SCHIP1: variants seen among roughly 807,000 people sequenced by gnomAD.
SCHIP1 encodes the protein schwannomin-interacting protein 1.
SCHIP1 carries 8 observed loss-of-function variants against 29.7 expected under a neutral mutation model. The observed-to-expected ratio is 0.27, with a 90% CI of 0.16 to 0.49. The LOEUF is 0.49. Ranked by LOEUF, SCHIP1 falls within the 20% of genes least tolerant of loss-of-function variation. The pLI, the probability that SCHIP1 is intolerant of heterozygous loss-of-function variation, is 0.99. For missense variants in SCHIP1, 193 were observed against 294.6 expected (o/e 0.66, Z 2.52); for synonymous variants, 76 against 94.9 (o/e 0.80, Z 1.16).
the SCHIP1 span, among the ~76,000 whole-genome samples, chr3:159,570,464 G>A: frequency 5.3e-5 from 8 of 152,146 alleles, no homozygotes; most frequent in African/African-American, 1.9e-4. Flanking sequence ...TAGATGTGTG[G>A]TGTTATTTCT....
chr3:159,674,596 A>C, the SCHIP1 span, among the ~76,000 whole-genome samples: 1 of 129,838 alleles, frequency 7.7e-6, no homozygotes, highest in Non-Finnish European at 1.6e-5. Flanking sequence ...TAGGGTCAGG[A>C]TTAAAAAAAA....
the SCHIP1 span, chr3:159,399,093 C>T: frequency 1.7e-5 from 4 of 235,816 alleles, no homozygotes; most frequent in East Asian, 3.6e-4. Flanking sequence ...ACCAGGCACA[C>T]TCTGGATTGG....
At chr3:159,310,660 C>A in the SCHIP1 span, among the ~76,000 whole-genome samples, 4 of 152,092 alleles carry the variant, frequency 2.6e-5, no homozygotes, top group African/African-American at 9.7e-5. Flanking sequence ...GAATGGGGTA[C>A]CAGCTCTACT....
At chr3:159,816,363 C>T in the SCHIP1 span, among the ~76,000 whole-genome samples, 1 of 152,160 alleles carries the variant, frequency 6.6e-6, no homozygotes, top group Non-Finnish European at 1.5e-5. Context: ...CCTCAAACTC[C>T]TGGACTCAAG....
At chr3:159,726,968 G>T in the SCHIP1 span, among the ~76,000 whole-genome samples, 2 of 152,102 alleles carry the variant, frequency 1.3e-5, no homozygotes, top group African/African-American at 4.8e-5. Context: ...GGCAATTGGC[G>T]ATATGCTGGA....
chr3:159,559,592 T>A, the SCHIP1 span, among the ~76,000 whole-genome samples: 3 of 152,326 alleles, frequency 2.0e-5, no homozygotes, highest in South Asian at 6.2e-4. Flanking sequence ...TAAGTGTATA[T>A]CTGCTAAGTT....
chr3:159,377,548 G>A, the SCHIP1 span, among the ~76,000 whole-genome samples: 128,375 of 152,196 alleles, frequency 0.84, 54,787 homozygotes, highest in African/African-American at 0.96. Flanking sequence ...GGTTTCAGTC[G>A]TCTACTTTTG....
At chr3:159,674,288 T>C in the SCHIP1 span, among the ~76,000 whole-genome samples, 15 of 152,122 alleles carry the variant, frequency 9.9e-5, no homozygotes, top group South Asian at 2.1e-4. Flanking sequence ...CAACAAACTG[T>C]GGCTAGAAGG....
chr3:159,273,699 T>C, the SCHIP1 span: 2 of 1,498,444 alleles, frequency 1.3e-6, no homozygotes, highest in East Asian at 2.5e-5. Flanking sequence ...TAGTGTGTGT[T>C]ATAGAAATTT....
At chr3:159,478,887 C>T in the SCHIP1 span, among the ~76,000 whole-genome samples, 18 of 152,152 alleles carry the variant, frequency 1.2e-4, no homozygotes, top group Non-Finnish European at 1.5e-4. Flanking sequence ...AGAAATGCTA[C>T]TGAGTTTTTG....
At chr3:159,669,930 G>A in the SCHIP1 span, among the ~76,000 whole-genome samples, 4 of 152,306 alleles carry the variant, frequency 2.6e-5, no homozygotes, top group East Asian at 1.9e-4. Flanking sequence ...TGAGCCTGTC[G>A]TCAGGGAGCT....
At chr3:159,490,776 G>C in the SCHIP1 span, among the ~76,000 whole-genome samples, 3 of 152,174 alleles carry the variant, frequency 2.0e-5, no homozygotes, top group Non-Finnish European at 2.9e-5. Context: ...GGTGGAGTGA[G>C]AGGAATTAAT....
the SCHIP1 span, among the ~76,000 whole-genome samples, chr3:159,635,921 GC>G: frequency 3.4e-3 from 518 of 152,208 alleles, 6 homozygotes; most frequent in African/African-American, 0.012. Flanking sequence ...GAAAGTATAC[GC>G]CTTGTACTTT....
At chr3:159,425,020 T>G in the SCHIP1 span, among the ~76,000 whole-genome samples, 1 of 150,878 alleles carries the variant, frequency 6.6e-6, no homozygotes, top group Non-Finnish European at 1.5e-5. Context: ...CAGGCCTGCC[T>G]TAAAAGAGCT....
the SCHIP1 span, among the ~76,000 whole-genome samples, chr3:159,548,822 A>G: frequency 6.6e-6 from 1 of 152,164 alleles, no homozygotes; most frequent in Non-Finnish European, 1.5e-5. Context: ...GAACATAGAT[A>G]TCATGGCTGC....
chr3:159,388,273 T>G, the SCHIP1 span, among the ~76,000 whole-genome samples: 1 of 152,114 alleles, frequency 6.6e-6, no homozygotes, highest in South Asian at 2.1e-4. Flanking sequence ...AAACAATTGC[T>G]TTGCTATATA....
At chr3:159,626,243 TCTATCTATATAGATAGATAGATAG>T in the SCHIP1 span, among the ~76,000 whole-genome samples, 318 of 111,974 alleles carry the variant, frequency 2.8e-3, 4 homozygotes, top group African/African-American at 0.013. Context: ...GATATATCTA[TCTATCTATATAGATAGATAGATAG>T]ATAGATAGAT....
At chr3:159,694,799 A>G in the SCHIP1 span, among the ~76,000 whole-genome samples, 2 of 152,154 alleles carry the variant, frequency 1.3e-5, no homozygotes, top group Non-Finnish European at 2.9e-5. Flanking sequence ...TTAAAACTAC[A>G]TATCTGGGGT....
the SCHIP1 span, among the ~76,000 whole-genome samples, chr3:159,308,469 CA>C: frequency 2.6e-5 from 4 of 152,058 alleles, no homozygotes; most frequent in Non-Finnish European, 4.4e-5. Context: ...AATCAAAACA[CA>C]AAGAGATACC....
Sources: gnomAD v4.1 joint callset for allele counts (sites outside exome capture counted in the v4.1 genomes callset) on GRCh38, gnomAD v4.1.1 for gene constraint, MANE v1.5 for transcripts, NCBI Gene and HGNC (gene_info 2026-07-23, HGNC 2026-07-21) for gene names.